PACS1: variants seen among roughly 807,000 people sequenced by gnomAD.
PACS1 encodes the protein PACS-1.
Under a neutral mutation model 115.0 loss-of-function variants are expected in PACS1, and 24 were observed. The ratio of observed to expected loss-of-function variants is 0.21; its 90% CI spans 0.15 to 0.29. The LOEUF is 0.29. Ranked by LOEUF, PACS1 falls within the 10% of genes least tolerant of loss-of-function variation. PACS1 has a pLI of 1.00. For synonymous variants in PACS1, 453 were observed against 504.5 expected (o/e 0.90, Z 1.37); for missense variants, 838 against 1,251.2 (o/e 0.67, Z 4.98).
chr11:66,205,312 T>G (rs1184070652), intron 2 of PACS1, among the ~76,000 whole-genome samples: 1 of 150,058 alleles, frequency 6.7e-6, no homozygotes, highest in Admixed American at 6.6e-5. Context: ...TATAAAAATT[T>G]TTTTAATGTT....
At chr11:66,187,920 A>G (rs939708503) in intron 1 of PACS1, among the ~76,000 whole-genome samples, 1 of 152,126 alleles carries the variant, frequency 6.6e-6, no homozygotes, top group Non-Finnish European at 1.5e-5. Flanking sequence ...GTTCACATTC[A>G]CTAGTTACAA....
intron 1 of PACS1, among the ~76,000 whole-genome samples, chr11:66,191,435 G>A (rs1854519983): frequency 6.6e-6 from 1 of 152,112 alleles, no homozygotes; most frequent in Non-Finnish European, 1.5e-5. Context: ...TGGGTGGTGG[G>A]GGCTGGGTAT....
At chr11:66,195,828 G>A (rs941108591) in intron 2 of PACS1, among the ~76,000 whole-genome samples, 2 of 152,178 alleles carry the variant, frequency 1.3e-5, no homozygotes, top group South Asian at 2.1e-4. Context: ...TTTAAGAAGC[G>A]TTGAGCAGTA....
chr11:66,169,527 G>A (rs577947215), intron 1 of PACS1, among the ~76,000 whole-genome samples: 3 of 148,152 alleles, frequency 2.0e-5, no homozygotes, highest in African/African-American at 7.8e-5. Context: ...AGCCTCCTGA[G>A]TAGCTGGGAT....
At chr11:66,178,800 A>G (rs1859936339) in intron 1 of PACS1, among the ~76,000 whole-genome samples, 1 of 152,192 alleles carries the variant, frequency 6.6e-6, no homozygotes, top group Non-Finnish European at 1.5e-5. Context: ...CAGTATCAAC[A>G]ATAGTCAGAA....
At chr11:66,217,009 A>C in intron 7 of PACS1, 1 of 522,814 alleles carries the variant, frequency 1.9e-6, no homozygotes, top group Non-Finnish European at 3.4e-6. Context: ...AGATAGAAAA[A>C]AGGAGGAGAA....
chr11:66,156,506 A>G (rs530009840), intron 1 of PACS1, among the ~76,000 whole-genome samples: 1 of 151,760 alleles, frequency 6.6e-6, no homozygotes, highest in Non-Finnish European at 1.5e-5. Flanking sequence ...TGGCCTCTCA[A>G]AGTGCTGGGA....
intron 1 of PACS1, among the ~76,000 whole-genome samples, chr11:66,093,337 A>G (rs1192408182): frequency 6.6e-6 from 1 of 151,058 alleles, no homozygotes; most frequent in African/African-American, 2.4e-5. Context: ...CTCAAAATAA[A>G]AGGATGGAGG....
chr11:66,211,504 A>G (rs193031329), intron 4 of PACS1, among the ~76,000 whole-genome samples: 6 of 152,370 alleles, frequency 3.9e-5, no homozygotes, highest in Admixed American at 6.5e-5. Flanking sequence ...TAAAATTTCA[A>G]ACTTTCAGAA....
chr11:66,100,938 G>A, intron 1 of PACS1: 1 of 456,236 alleles, frequency 2.2e-6, no homozygotes. Context: ...GGAAGCCTCA[G>A]TGCCTGTCCT....
intron 1 of PACS1, among the ~76,000 whole-genome samples, chr11:66,164,480 C>CT (rs1192181511): frequency 6.7e-6 from 1 of 149,526 alleles, no homozygotes; most frequent in Non-Finnish European, 1.5e-5. Context: ...GTCCCAGCTA[C>CT]TGGGGAGGCT....
At chr11:66,099,318 G>C (rs765775181) in intron 1 of PACS1, among the ~76,000 whole-genome samples, 2 of 152,120 alleles carry the variant, frequency 1.3e-5, no homozygotes, top group Non-Finnish European at 2.9e-5. Context: ...CCGCCTCCCA[G>C]GTTCACTCCA....
intron 1 of PACS1, among the ~76,000 whole-genome samples, chr11:66,191,142 C>A (rs1031449151): frequency 2.0e-5 from 3 of 152,170 alleles, no homozygotes; most frequent in African/African-American, 7.2e-5. Flanking sequence ...GTTTTCTTGC[C>A]TTTTCCTGCT....
At chr11:66,077,555 T>C (rs1433361972) in intron 1 of PACS1, among the ~76,000 whole-genome samples, 1 of 152,150 alleles carries the variant, frequency 6.6e-6, no homozygotes, top group Non-Finnish European at 1.5e-5. Context: ...AGTAAGACCC[T>C]GTCTCAAACA....
At chr11:66,088,458 A>C (rs1260820808) in intron 1 of PACS1, among the ~76,000 whole-genome samples, 1 of 152,166 alleles carries the variant, frequency 6.6e-6, no homozygotes, top group African/African-American at 2.4e-5. Context: ...ATTAAGACAC[A>C]TTTCCCCTGA....
chr11:66,183,654 A>G (rs1169642624), intron 1 of PACS1, among the ~76,000 whole-genome samples: 2 of 152,198 alleles, frequency 1.3e-5, no homozygotes, highest in Non-Finnish European at 2.9e-5. Context: ...TTTGCTCAGG[A>G]AAGAATTCAA....
At position 66,233,558 on chromosome 11, in the gene PACS1, C is replaced by T. The variant is rs942574887; in HGVS notation, c.1839-227C>T. The stretch of plus-strand genomic sequence containing the variant: ...ACACTGCCGAGTCCTACGTTAGCCT[C>T]AGCTGTTCCGTCTGCTTCATGGGCA... On this transcript the variant is annotated intron_variant, in intron 15 of 23. Transcript: ENST00000320580. The surrounding 1 kb of genome is among the most constrained non-coding windows in gnomAD (Gnocchi z 4.5). Among the ~76,000 whole-genome samples the T allele has an allele frequency of 6.6e-6, 1 of 152,242 alleles. No individual in the cohort carries two copies. Among genetic ancestry groups the T allele is most frequent in the Non-Finnish European group, 1.5e-5 (1 of 68,046 alleles).
intron 1 of PACS1, among the ~76,000 whole-genome samples, chr11:66,118,164 T>TA (rs1276120820): frequency 1.1e-4 from 16 of 152,204 alleles, no homozygotes; most frequent in Admixed American, 6.5e-5. Flanking sequence ...GAGAATAGAC[T>TA]AAGGGGTTGG....
intron 1 of PACS1, among the ~76,000 whole-genome samples, chr11:66,125,161 A>G (rs1283163240): frequency 6.6e-6 from 1 of 152,230 alleles, no homozygotes; most frequent in Non-Finnish European, 1.5e-5. Flanking sequence ...GCAGAGGCAT[A>G]AGAATGATAC....
Sources: gnomAD v4.1 joint callset for allele counts (sites outside exome capture counted in the v4.1 genomes callset) on GRCh38, gnomAD v4.1.1 for gene constraint, Gnocchi (gnomAD v3.1) non-coding constraint, MANE v1.5 for transcripts, NCBI Gene and HGNC (gene_info 2026-07-23, HGNC 2026-07-21) for gene names.